Variants in DNAH11 observed in about 807,000 individuals in gnomAD.
The protein encoded by DNAH11 is dynein axonemal heavy chain 11.
In DNAH11, 442 loss-of-function variants were observed where a neutral mutation model predicts 526.0. The ratio of observed to expected loss-of-function variants is 0.84; its 90% CI spans 0.78 to 0.91. The LOEUF (loss-of-function observed/expected upper bound fraction) is 0.91, where lower values mean the gene tolerates loss of function less well. Ranked by LOEUF, DNAH11 falls within the 40% of genes least tolerant of loss-of-function variation. The pLI, the probability that DNAH11 is intolerant of heterozygous loss-of-function variation, is 0.00. For missense variants in DNAH11, 6,989 were observed against 5,448.7 expected (o/e 1.28, Z -8.90); for synonymous variants, 2,461 against 1,935.9 (o/e 1.27, Z -7.12).
chr7:21,621,113 A>G (rs1334384947), intron 25 of DNAH11, among the ~76,000 whole-genome samples: 1 of 152,120 alleles, frequency 6.6e-6, no homozygotes, highest in Non-Finnish European at 1.5e-5. Context: ...TGGTATTTCT[A>G]GTTCTAGATC....
chr7:21,543,296 G>C lies in DNAH11; in HGVS notation c.51G>C (p.Pro17=), dbSNP rs1402035790. 1 of 1,548,326 alleles carries C rather than the reference G, an allele frequency of 6.5e-7. No individual in the cohort carries two copies. Among genetic ancestry groups the C allele is most frequent in the South Asian group, 1.2e-5 (1 of 83,960 alleles). The change falls in exon 1 of 82, where the codon CCG becomes CCC. Residue 17 remains proline (P), a synonymous_variant. Transcript: ENST00000409508. ...AGGCGCGAGACTTCAGAGAAGCCCCGACCCTTCGCCTAACCTCGGGGGCCG... is the reference window on the plus strand; with the variant it reads ...AGGCGCGAGACTTCAGAGAAGCCCCCACCCTTCGCCTAACCTCGGGGGCCG... ...AREARDFREA[P]TLRLTSGAGL...
rs1429315735 is a variant in DNAH11 at position 21,570,193 on chromosome 7, A to T, written c.1319A>T (p.Lys440Ile). 1.2e-6 allele frequency: 2 copies of T among 1,613,434 alleles called. No homozygotes were observed. Residue 440 changes from lysine to isoleucine, a missense_variant, in exon 7 of 82, where the codon AAA becomes ATA. Transcript: ENST00000409508. ...FKNSFFNYRKKLASYFMGRKL... is the reference protein window; with the variant it reads ...FKNSFFNYRKILASYFMGRKL... The stretch of plus-strand genomic sequence containing the variant: ...AACTCCTTTTTCAACTATAGAAAAA[A>T]ATTGGCAAGCTACTTTATGGGAAGA...
intron 51 of DNAH11, among the ~76,000 whole-genome samples, chr7:21,746,947 T>C (rs964225844): frequency 1.3e-5 from 2 of 151,924 alleles, no homozygotes; most frequent in Non-Finnish European, 2.9e-5. Flanking sequence ...AGGAAAAGAG[T>C]TTTCCCATAT....
chr7:21,705,470 T>C lies in DNAH11; in HGVS notation c.6479T>C (p.Leu2160Pro), dbSNP rs762438982. 6.2e-7 allele frequency: 1 copy of C among 1,613,714 alleles called. No homozygotes were observed. Among genetic ancestry groups the C allele is most frequent in the South Asian group, 1.1e-5 (1 of 91,058 alleles). ...EESFILKVVQLEELLAVRHSV... is the reference protein window; with the variant it reads ...EESFILKVVQPEELLAVRHSV... ...CTGTTTGCTCTGCAGGTTGTCCAGC[T>C]TGAGGAACTGTTGGCTGTGCGGCAC... The change falls in exon 39 of 82, where the codon CTT (leucine) becomes CCT (proline). Residue 2160 changes from leucine (L) to proline (P), a missense_variant. Coordinates refer to ENST00000409508, the MANE Select transcript of DNAH11 (RefSeq NM_001277115.2).
At chr7:21,847,572 C>G (rs1782463878) in intron 66 of DNAH11, among the ~76,000 whole-genome samples, 1 of 151,980 alleles carries the variant, frequency 6.6e-6, no homozygotes, top group South Asian at 2.1e-4. Flanking sequence ...TCTTTTAAAC[C>G]TTTTTGGTGT....
chr7:21,750,481 T>G, intron 54 of DNAH11, 117 bp downstream of exon 54: 1 of 1,377,308 alleles, frequency 7.3e-7, no homozygotes, highest in Non-Finnish European at 9.9e-7. Context: ...TGAAAGGACG[T>G]GTGCATTTTT....
At chr7:21,785,152 C>A (rs895944437) in intron 58 of DNAH11, among the ~76,000 whole-genome samples, 1 of 152,154 alleles carries the variant, frequency 6.6e-6, no homozygotes, top group Non-Finnish European at 1.5e-5. Flanking sequence ...GGTCTTCTGC[C>A]AGACCTCTGG....
chr7:21,629,350 G>A (rs1238961354), intron 25 of DNAH11, among the ~76,000 whole-genome samples: 2 of 152,042 alleles, frequency 1.3e-5, no homozygotes, highest in East Asian at 1.9e-4. Context: ...GAGAATCCAT[G>A]TGCTGACAAA....
intron 54 of DNAH11, among the ~76,000 whole-genome samples, chr7:21,751,425 T>A (rs1467277081): frequency 1.3e-5 from 2 of 152,164 alleles, no homozygotes; most frequent in African/African-American, 4.8e-5. Flanking sequence ...GCAGATAATA[T>A]AACCAGATAA....
chr7:21,589,789 A>G (rs1784610982), intron 12 of DNAH11, among the ~76,000 whole-genome samples: 1 of 152,168 alleles, frequency 6.6e-6, no homozygotes, highest in African/African-American at 2.4e-5. Context: ...AAATATATTC[A>G]TAACATACAC....
At chr7:21,860,336 C>A (rs1360621091) in intron 68 of DNAH11, among the ~76,000 whole-genome samples, 3 of 151,518 alleles carry the variant, frequency 2.0e-5, no homozygotes, top group Non-Finnish European at 4.4e-5. Flanking sequence ...AAATTGGAAT[C>A]TTTTGGTGGG....
chr7:21,795,722 C>T (rs1192046809), intron 61 of DNAH11, among the ~76,000 whole-genome samples: 1 of 152,146 alleles, frequency 6.6e-6, no homozygotes, highest in Non-Finnish European at 1.5e-5. Context: ...AGGCTCAGTC[C>T]CTGCCCTGAA....
intron 39 of DNAH11, among the ~76,000 whole-genome samples, chr7:21,705,843 C>G (rs954984953): frequency 1.3e-5 from 2 of 152,190 alleles, no homozygotes; most frequent in African/African-American, 2.4e-5. Flanking sequence ...TCGATATACA[C>G]CATCCTACCT....
intron 4 of DNAH11, among the ~76,000 whole-genome samples, chr7:21,560,675 G>A (rs541971297): frequency 6.6e-6 from 1 of 152,138 alleles, no homozygotes; most frequent in Non-Finnish European, 1.5e-5. Flanking sequence ...TGCTGCTCTG[G>A]CAGCTGATTA....
chr7:21,824,953 C>G (rs1790211639), intron 65 of DNAH11, among the ~76,000 whole-genome samples: 1 of 152,090 alleles, frequency 6.6e-6, no homozygotes, highest in South Asian at 2.1e-4. Flanking sequence ...CTCATTGCAA[C>G]CTCCACCTCC....
At chr7:21,692,780 C>G (rs1407604552) in intron 35 of DNAH11, among the ~76,000 whole-genome samples, 1 of 152,204 alleles carries the variant, frequency 6.6e-6, no homozygotes, top group African/African-American at 2.4e-5. Context: ...AAGTTTACAT[C>G]CTCACCATCA....
chr7:21,640,206 T>C (rs1183689638), intron 28 of DNAH11, among the ~76,000 whole-genome samples: 1 of 152,230 alleles, frequency 6.6e-6, no homozygotes, highest in East Asian at 1.9e-4. Flanking sequence ...TTAAATTGAC[T>C]ATGAATCTAC....
At chr7:21,700,503 C>A (rs934366818) in intron 36 of DNAH11, among the ~76,000 whole-genome samples, 9 of 152,188 alleles carry the variant, frequency 5.9e-5, no homozygotes, top group African/African-American at 2.2e-4. Context: ...ATTTCTTCTG[C>A]ATCCACTCCT....
chr7:21,820,587 CTG>C (rs1790010974), intron 65 of DNAH11, among the ~76,000 whole-genome samples: 1 of 152,042 alleles, frequency 6.6e-6, no homozygotes, highest in Admixed American at 6.6e-5. Flanking sequence ...GGTGGAGAGT[CTG>C]TGTTGGGGAG....
Sources: gnomAD v4.1 joint callset for allele counts (sites outside exome capture counted in the v4.1 genomes callset) on GRCh38, gnomAD v4.1.1 for gene constraint, MANE v1.5 for transcripts, NCBI Gene and HGNC (gene_info 2026-07-23, HGNC 2026-07-21) for gene names.